Variants in CIITA observed in about 807,000 individuals in gnomAD.
CIITA encodes MHC class II transactivator.
Under a neutral mutation model 115.1 loss-of-function variants are expected in CIITA, and 72 were observed. That is an observed-to-expected ratio of 0.63 (90% CI 0.52 to 0.76). CIITA has a LOEUF of 0.76. CIITA is among the 30% of genes least tolerant of loss of function. The pLI, the probability that CIITA is intolerant of heterozygous loss-of-function variation, is 0.00. For synonymous variants in CIITA, 763 were observed against 635.6 expected (o/e 1.20, Z -3.02); for missense variants, 1,617 against 1,463.8 (o/e 1.10, Z -1.71).
intron 1 of CIITA, among the ~76,000 whole-genome samples, chr16:10,878,705 G>T (rs1312183328): frequency 1.3e-5 from 2 of 152,236 alleles, no homozygotes; most frequent in Admixed American, 6.5e-5. Context: ...TGCCCAAGTG[G>T]CTCCCTAGCT....
chr16:10,909,842 C>A (rs1310531242), intron 12 of CIITA, among the ~76,000 whole-genome samples: 1 of 152,178 alleles, frequency 6.6e-6, no homozygotes, highest in East Asian at 1.9e-4. Flanking sequence ...TCAAGCGATC[C>A]TCCTGCCTCA....
chr16:10,912,108 G>T (rs867352541), intron 13 of CIITA, among the ~76,000 whole-genome samples: 3 of 152,204 alleles, frequency 2.0e-5, no homozygotes, highest in Middle Eastern at 3.4e-3. Context: ...TATGCCTGTG[G>T]TATATTCGGT....
chr16:10,923,001 A>C lies in CIITA; in HGVS notation c.3318-227A>C, dbSNP rs770066015. ...AAAATAAAGCACAGAGCAGTTAACT[A>C]ACCTTTCTGGGGTCACACAGCAAGT... On this transcript the variant is annotated intron_variant, in intron 18 of 19. Coordinates refer to ENST00000324288, the MANE Select transcript of CIITA (RefSeq NM_000246.4). This position sits in a 1 kb window ranked among gnomAD's most constrained non-coding sequence, Gnocchi z 5.2. 1.2e-5 allele frequency: 7 copies of C among 587,682 alleles called. No individual in the cohort carries two copies. In the East Asian group the frequency reaches 2.0e-4, roughly 17 times the overall value. The allele number at this position is 587,682 out of a possible 1,614,324, so 36.4% of individuals were successfully genotyped here. A position where few individuals can be genotyped will look rare whatever the true frequency, so the allele number is the denominator to read the frequency against.
chr16:10,935,905 G>A lies in CIITA; in HGVS notation c.*12050G>A, dbSNP rs1020064950. 4 of 152,214 alleles carry A rather than the reference G, an allele frequency of 2.6e-5. No homozygotes were observed. The highest frequency in any genetic ancestry group is 1.9e-4 in the East Asian group (1 of 5,192). The allele number at this position is 152,214 out of a possible 1,614,324, so 9.4% of individuals were successfully genotyped here. A position where few individuals can be genotyped will look rare whatever the true frequency, so the allele number is the denominator to read the frequency against. On this transcript the variant is annotated 3_prime_UTR_variant, in exon 20 of 20. Coordinates refer to ENST00000324288, the MANE Select transcript of CIITA (RefSeq NM_000246.4). ...AGCTGATCCAGACTGAAGAAGGCTC[G>A]AGATTAATGCAAAAGCTGATCTGGG...
Position 10,907,240 on chromosome 16 carries a change from A to G in CIITA, c.1748A>G (p.Glu583Gly), listed in dbSNP as rs1368267927. 1.2e-6 allele frequency: 2 copies of G among 1,612,792 alleles called. No individual in the cohort carries two copies. Among genetic ancestry groups the G allele is most frequent in the Non-Finnish European group, 1.7e-6 (2 of 1,179,868 alleles). Residue 583 changes from glutamate (E) to glycine (G), a missense_variant, in exon 11 of 20, where the codon GAG becomes GGG. Transcript: ENST00000324288. This position sits in a 1 kb window ranked among gnomAD's most constrained non-coding sequence, Gnocchi z 5.0. ...CAGGCATACGTGATGCGCTACTTTG[A>G]GAGCTCAGGGATGACAGAGCACCAA... ...QAQAYVMRYF[E>G]SSGMTEHQDR...
downstream of CIITA, chr16:10,940,456 T>A (rs1198012918): frequency 6.6e-6 from 1 of 152,252 alleles, no homozygotes; most frequent in East Asian, 1.9e-4. The surrounding 1 kb of genome is among the most constrained non-coding windows in gnomAD (Gnocchi z 4.2). Flanking sequence ...GTGAATGGCA[T>A]TAGTGTCCAT....
chr16:10,877,106 T>C, upstream of CIITA: 1 of 618,720 alleles, frequency 1.6e-6, no homozygotes, highest in Non-Finnish European at 2.9e-6. Context: ...ATCTGACCGC[T>C]TGGGGCCACC....
At chr16:10,878,185 T>A (rs1043317404) in intron 1 of CIITA, among the ~76,000 whole-genome samples, 1 of 152,080 alleles carries the variant, frequency 6.6e-6, no homozygotes, top group African/African-American at 2.4e-5. Flanking sequence ...GTTAAAGGGG[T>A]GGTATCCCTT....
rs779878144 is a variant in CIITA, at chr16:10,906,820, C to T, written c.1328C>T (p.Pro443Leu). Reference sequence around the variant, plus strand: ...CGGGCCTGGGCTTGTGGCCGGCTTCCCCAGTACGACTTTGTCTTCTCTGTC... The same window carrying T: ...CGGGCCTGGGCTTGTGGCCGGCTTCTCCAGTACGACTTTGTCTTCTCTGTC... ...VSRAWACGRL[P>L]QYDFVFSVPC... The change falls in exon 11 of 20, where the codon CCC (proline) becomes CTC (leucine). Residue 443 changes from proline to leucine, a missense_variant. By Grantham distance (98) the Pro-to-Leu change is moderately conservative. Transcript: ENST00000324288. 1.2e-6 allele frequency: 2 copies of T among 1,612,970 alleles called. No homozygotes were observed. The highest frequency in any genetic ancestry group is 1.7e-6 in the Non-Finnish European group (2 of 1,180,038).
intron 1 of CIITA, among the ~76,000 whole-genome samples, chr16:10,871,232 A>T (rs2035460571): frequency 6.6e-6 from 1 of 152,218 alleles, no homozygotes; most frequent in Non-Finnish European, 1.5e-5. Flanking sequence ...CACTCCCTGC[A>T]AGAGGAAGCT....
At chr16:10,915,750 C>A in intron 14 of CIITA, 100 bp downstream of exon 14, 1 of 1,047,170 alleles carries the variant, frequency 9.5e-7, no homozygotes, top group Non-Finnish European at 1.5e-6. Flanking sequence ...AGTAGTCCTC[C>A]TGCCTCAGCC....
rs1178362670 is a variant in CIITA, at chr16:10,925,902, G to T, written c.*2047G>T. 1 of 152,250 alleles carries T rather than the reference G, an allele frequency of 6.6e-6. No homozygotes were observed. The highest frequency in any genetic ancestry group is 1.9e-4 in the East Asian group (1 of 5,204). 9.4% of individuals were successfully genotyped at this position (152,250 alleles called of 1,614,324 possible). On this transcript the variant is annotated 3_prime_UTR_variant, in exon 20 of 20. Transcript: ENST00000324288. ...CCTCTGACACACAGCTCTGTCCTGG[G>T]AGTGAGCTGGTTTTTAGCGGAGACG...
At chr16:10,889,368 G>A (rs2037304524) in intron 1 of CIITA, among the ~76,000 whole-genome samples, 1 of 152,088 alleles carries the variant, frequency 6.6e-6, no homozygotes, top group African/African-American at 2.4e-5. Context: ...TGGCGTTGTG[G>A]GGAAACCTAG....
intron 1 of CIITA, among the ~76,000 whole-genome samples, chr16:10,892,536 T>C (rs1229015674): frequency 6.6e-6 from 1 of 152,202 alleles, no homozygotes; most frequent in African/African-American, 2.4e-5. Flanking sequence ...CTGCATGTCA[T>C]GTGTGGTGGG....
In CIITA at chr16:10,903,744, G is replaced by A. The variant is rs1318476513; in HGVS notation, c.786G>A (p.Gln262=). Residue 262 remains glutamine (Q), a synonymous_variant, in exon 9 of 20, where the codon CAG becomes CAA. Coordinates refer to ENST00000324288, the MANE Select transcript of CIITA (RefSeq NM_000246.4). ...CCCCCAATGTAGGTGAGGTGCCCCAGGCCAGCCAAGTACCCCCTCCCAGTG... is the reference window on the plus strand; with the variant it reads ...CCCCCAATGTAGGTGAGGTGCCCCAAGCCAGCCAAGTACCCCCTCCCAGTG... ...SIFIYHGEVP[Q]ASQVPPPSGF... 2 of 1,613,992 alleles carry A rather than the reference G, an allele frequency of 1.2e-6. No individual in the cohort carries two copies. Among genetic ancestry groups the A allele is most frequent in the East Asian group, 2.2e-5 (1 of 44,898 alleles).
At position 10,906,827 on chromosome 16, in the gene CIITA, C is replaced by T. The variant is rs2039193640; in HGVS notation, c.1335C>T (p.Tyr445=). Residue 445 remains tyrosine (Y), a synonymous_variant, in exon 11 of 20, where the codon TAC becomes TAT. Coordinates refer to ENST00000324288, the MANE Select transcript of CIITA (RefSeq NM_000246.4). ...RAWACGRLPQ[Y]DFVFSVPCHC... ...GGGCTTGTGGCCGGCTTCCCCAGTACGACTTTGTCTTCTCTGTCCCCTGCC... is the reference window on the plus strand; with the variant it reads ...GGGCTTGTGGCCGGCTTCCCCAGTATGACTTTGTCTTCTCTGTCCCCTGCC... 2 of 1,613,018 alleles carry T rather than the reference C, an allele frequency of 1.2e-6. No individual in the cohort carries two copies. The highest frequency in any genetic ancestry group is 2.2e-5 in the South Asian group (2 of 91,090).
Position 10,898,710 on chromosome 16 carries a change from G to C in CIITA, c.336G>C (p.Glu112Asp). 2 of 1,612,034 alleles carry C rather than the reference G, an allele frequency of 1.2e-6. No homozygotes were observed. Among genetic ancestry groups the C allele is most frequent in the African/African-American group, 1.3e-5 (1 of 74,802 alleles). Residue 112 changes from glutamate to aspartate, a missense_variant, in exon 4 of 20, where the codon GAG becomes GAC. Transcript: ENST00000324288. ...ATGTCTTCCAGGACTCCCAGCTGGA[G>C]GGCCTGAGCAAGGACATTTTCAGTA... ...DQYVFQDSQLEGLSKDIFKHI... is the reference protein window; with the variant it reads ...DQYVFQDSQLDGLSKDIFKHI...
At chr16:10,878,400 T>C (rs2036051216) in intron 1 of CIITA, among the ~76,000 whole-genome samples, 1 of 152,158 alleles carries the variant, frequency 6.6e-6, no homozygotes, top group Non-Finnish European at 1.5e-5. Context: ...GTCTCATGCC[T>C]TGGAGGACCC....
chr16:10,902,739 C>T lies in CIITA; in HGVS notation c.710C>T (p.Pro237Leu), dbSNP rs528875833. The change falls in exon 8 of 20, where the codon CCC (proline) becomes CTC (leucine). Residue 237 changes from proline (P) to leucine (L), a missense_variant. Pro to Leu is a moderately conservative substitution (Grantham distance 98, BLOSUM62 -3). Transcript: ENST00000324288. ...TTTGTCCCCACCATCTCCACTCTGC[C>T]CCATGGGCTCTGGCAAATCTCTGAG... ...IQFVPTISTL[P>L]HGLWQISEAG... is the part of the protein sequence containing the mutation. 1.2e-5 allele frequency: 19 copies of T among 1,614,224 alleles called. No individual in the cohort carries two copies. The South Asian group carries it at 2.1e-4, about 18-fold the overall frequency.
Sources: allele counts gnomAD v4.1 joint callset (sites outside exome capture counted in the v4.1 genomes callset), GRCh38; gene constraint gnomAD v4.1.1; non-coding constraint Gnocchi (gnomAD v3.1); transcripts MANE v1.5; gene names NCBI Gene and HGNC (gene_info 2026-07-23, HGNC 2026-07-21).